ANO2: variants seen among roughly 807,000 people sequenced by gnomAD.
ANO2 encodes anoctamin 2, also known as anoctamin-2.
Under a neutral mutation model 124.2 loss-of-function variants are expected in ANO2, and 101 were observed. That is an observed-to-expected ratio of 0.81 (90% CI 0.69 to 0.96). The LOEUF is 0.96. Among genes scored for constraint, ANO2 ranks in the 40% least tolerant of loss-of-function variants. ANO2 has a pLI of 0.00. For missense variants in ANO2, 1,293 were observed against 1,274.5 expected (o/e 1.01, Z -0.22); for synonymous variants, 486 against 482.5 (o/e 1.01, Z -0.09).
intron 3 of ANO2, among the ~76,000 whole-genome samples, chr12:5,871,082 T>A (rs888543837): frequency 6.6e-6 from 1 of 152,162 alleles, no homozygotes; most frequent in Non-Finnish European, 1.5e-5. Context: ...AGGCACCACA[T>A]GGGCTCTCCA....
At chr12:5,817,823 G>A (rs1427572536) in intron 7 of ANO2, among the ~76,000 whole-genome samples, 1 of 152,166 alleles carries the variant, frequency 6.6e-6, no homozygotes, top group African/African-American at 2.4e-5. Flanking sequence ...AAAAATAGAT[G>A]GCTGCAAGTC....
intron 13 of ANO2, 160 bp downstream of exon 13, chr12:5,739,157 T>C (rs1950991806): frequency 1.4e-6 from 1 of 740,362 alleles, no homozygotes; most frequent in Non-Finnish European, 2.4e-6. Context: ...AGGTCAACCA[T>C]GGCCCAAGTC....
chr12:5,928,760 G>A (rs1333724422), intron 1 of ANO2, among the ~76,000 whole-genome samples: 2 of 73,944 alleles, frequency 2.7e-5, no homozygotes, highest in South Asian at 4.5e-4. Flanking sequence ...TTCCTTACTC[G>A]TCTGCCTTCT....
chr12:5,632,767 T>C (rs1945788086), intron 16 of ANO2, among the ~76,000 whole-genome samples: 1 of 152,194 alleles, frequency 6.6e-6, no homozygotes. Context: ...TTCATCTTTA[T>C]CACTATCTAG....
intron 1 of ANO2, among the ~76,000 whole-genome samples, chr12:5,937,376 C>T (rs1358507580): frequency 6.6e-6 from 1 of 152,148 alleles, no homozygotes; most frequent in Non-Finnish European, 1.5e-5. Context: ...AAATGTCTAT[C>T]CAGGTCATTT....
intron 19 of ANO2, among the ~76,000 whole-genome samples, chr12:5,612,102 C>T (rs1461584331): frequency 6.6e-6 from 1 of 152,112 alleles, no homozygotes; most frequent in Non-Finnish European, 1.5e-5. Flanking sequence ...AAAGTGAGTC[C>T]GTGTTTATTT....
chr12:5,566,044 A>C (rs1031827493), intron 23 of ANO2, among the ~76,000 whole-genome samples: 1 of 151,966 alleles, frequency 6.6e-6, no homozygotes, highest in Non-Finnish European at 1.5e-5. Flanking sequence ...GGGGAGACCC[A>C]GACACCCTGA....
Position 5,921,040 on chromosome 12 carries a change from C to G in ANO2, c.534G>C (p.Glu178Asp). Residue 178 changes from glutamate (E) to aspartate (D), a missense_variant and splice_region_variant, in exon 3 of 25, where the codon GAG becomes GAC. Transcript: ENST00000682330. Reference sequence around the variant, plus strand: ...GTCCCTGGCCACCCGCCTGACTCACCTCCAAGTCCTTCTCAAGCTCCAGTC... The same window carrying G: ...GTCCCTGGCCACCCGCCTGACTCACGTCCAAGTCCTTCTCAAGCTCCAGTC... ...EAGLELEKDL[E>D]NKSQGSIFVR... 1 of 1,605,108 alleles carries G rather than the reference C, an allele frequency of 6.2e-7. No individual in the cohort carries two copies. The highest frequency in any genetic ancestry group is 2.2e-5 in the East Asian group (1 of 44,602).
At chr12:5,597,385 T>A (rs183180598) in intron 20 of ANO2, among the ~76,000 whole-genome samples, 187 of 152,320 alleles carry the variant, frequency 1.2e-3, no homozygotes, top group Admixed American at 2.3e-3. Flanking sequence ...ATGCTAAAGA[T>A]AATGGCCTCC....
At chr12:5,665,363 C>A (rs1450831633) in intron 14 of ANO2, among the ~76,000 whole-genome samples, 2 of 152,198 alleles carry the variant, frequency 1.3e-5, no homozygotes, top group Non-Finnish European at 2.9e-5. Context: ...CCATCTCCGA[C>A]TCCACTGCTG....
intron 13 of ANO2, 130 bp from the exon 14 acceptor site, chr12:5,732,760 C>T (rs1950695204): frequency 6.4e-7 from 1 of 1,556,852 alleles, no homozygotes; most frequent in Non-Finnish European, 8.8e-7. Context: ...AACTGCCCCA[C>T]CACACACAAT....
intron 14 of ANO2, among the ~76,000 whole-genome samples, chr12:5,716,650 T>A (rs578125882): frequency 6.6e-6 from 1 of 152,174 alleles, no homozygotes; most frequent in Admixed American, 6.5e-5. Flanking sequence ...GGAGAAAATT[T>A]ATGTAAGCTG....
At chr12:5,697,773 C>G (rs745650769) in intron 14 of ANO2, among the ~76,000 whole-genome samples, 9 of 152,208 alleles carry the variant, frequency 5.9e-5, no homozygotes, top group Non-Finnish European at 1.2e-4. Context: ...GCGCTTTATC[C>G]AACGGTCCTA....
chr12:5,825,900 G>A (rs531833709), intron 7 of ANO2, among the ~76,000 whole-genome samples: 3 of 152,310 alleles, frequency 2.0e-5, no homozygotes, highest in African/African-American at 7.2e-5. Flanking sequence ...CTGCTGAGGT[G>A]CTTCCTGAAG....
At chr12:5,834,041 C>CAGTTT (rs979341159) in intron 4 of ANO2, among the ~76,000 whole-genome samples, 4 of 152,120 alleles carry the variant, frequency 2.6e-5, no homozygotes, top group Admixed American at 2.0e-4. Flanking sequence ...CCCTGCCAAG[C>CAGTTT]AGCAGGCATA....
intron 3 of ANO2, among the ~76,000 whole-genome samples, chr12:5,896,108 A>G (rs1293735109): frequency 6.6e-6 from 1 of 152,146 alleles, no homozygotes; most frequent in African/African-American, 2.4e-5. Flanking sequence ...TAGGAATCAT[A>G]TAATGGACTT....
intron 11 of ANO2, among the ~76,000 whole-genome samples, chr12:5,749,744 T>C (rs1951381981): frequency 6.6e-6 from 1 of 152,232 alleles, no homozygotes; most frequent in Admixed American, 6.5e-5. Flanking sequence ...CATATTTTGA[T>C]TTATTCAACA....
At chr12:5,719,905 CTT>C (rs770682040) in intron 14 of ANO2, among the ~76,000 whole-genome samples, 12 of 152,196 alleles carry the variant, frequency 7.9e-5, no homozygotes, top group Non-Finnish European at 1.2e-4. Flanking sequence ...GTCTCTCTCA[CTT>C]GCTCACTCCA....
At chr12:5,872,037 CAG>C in intron 3 of ANO2, among the ~76,000 whole-genome samples, 1 of 152,322 alleles carries the variant, frequency 6.6e-6, no homozygotes, top group Non-Finnish European at 1.5e-5. Context: ...CTGCAACCCA[CAG>C]AGTCAGAGAA....
Sources: gnomAD v4.1 joint callset for allele counts (sites outside exome capture counted in the v4.1 genomes callset) on GRCh38, gnomAD v4.1.1 for gene constraint, MANE v1.5 for transcripts, NCBI Gene and HGNC (gene_info 2026-07-23, HGNC 2026-07-21) for gene names.